KCNN2: variants seen among roughly 807,000 people sequenced by gnomAD.
KCNN2 encodes the protein small conductance calcium-activated potassium channel protein 2.
In KCNN2, 24 loss-of-function variants were observed where a neutral mutation model predicts 55.5. The ratio of observed to expected loss-of-function variants is 0.43; its 90% confidence interval spans 0.31 to 0.61. The LOEUF (loss-of-function observed/expected upper bound fraction) is 0.61. Ranked by LOEUF, KCNN2 falls within the 20% of genes least tolerant of loss-of-function variation. KCNN2 has a pLI of 0.08. For missense variants in KCNN2, 754 were observed against 853.6 expected (o/e 0.88, Z 1.45); for synonymous variants, 431 against 336.1 (o/e 1.28, Z -3.09).
At chr5:114,401,774 G>A (rs1339325266) in intron 2 of KCNN2, among the ~76,000 whole-genome samples, 2 of 152,176 alleles carry the variant, frequency 1.3e-5, no homozygotes, top group Non-Finnish European at 2.9e-5. Flanking sequence ...AGCATGATTA[G>A]GTTGGTGTGT....
chr5:114,312,450 T>C (rs1312771758), intron 2 of KCNN2, among the ~76,000 whole-genome samples: 19 of 73,768 alleles, frequency 2.6e-4, no homozygotes, highest in African/African-American at 6.1e-4. Context: ...TATATATATA[T>C]ATATATATAT....
chr5:114,227,510 T>C (rs1754260796), intron 2 of KCNN2, among the ~76,000 whole-genome samples: 1 of 152,222 alleles, frequency 6.6e-6, no homozygotes, highest in African/African-American at 2.4e-5. Flanking sequence ...ACAACTTGTT[T>C]TCTCAGTAGA....
chr5:114,126,753 C>T (rs550540062), intron 1 of KCNN2, among the ~76,000 whole-genome samples: 1 of 152,204 alleles, frequency 6.6e-6, no homozygotes, highest in Admixed American at 6.5e-5. Flanking sequence ...GTCCACAGTC[C>T]AAAGTCTCAT....
chr5:114,448,710 T>C (rs1346711161), intron 3 of KCNN2, among the ~76,000 whole-genome samples: 1 of 152,240 alleles, frequency 6.6e-6, no homozygotes, highest in Non-Finnish European at 1.5e-5. Context: ...CATTCAGGAA[T>C]GTTCTGCTTC....
At chr5:114,495,789 T>G in intron 7 of KCNN2, 106 bp from the exon 8 acceptor site, 2 of 1,061,126 alleles carry the variant, frequency 1.9e-6, no homozygotes, top group Non-Finnish European at 2.8e-6. Context: ...GACACCCCTG[T>G]TACACTGAAT....
chr5:114,118,804 C>A (rs1751771805), intron 1 of KCNN2, among the ~76,000 whole-genome samples: 1 of 152,128 alleles, frequency 6.6e-6, no homozygotes, highest in African/African-American at 2.4e-5. Context: ...AAAACCAAAA[C>A]CACATTCTGC....
At chr5:114,425,569 A>G (rs1759596062) in intron 3 of KCNN2, among the ~76,000 whole-genome samples, 2 of 152,142 alleles carry the variant, frequency 1.3e-5, no homozygotes, top group African/African-American at 2.4e-5. Context: ...GTTAAATCAA[A>G]TGCTCCACCT....
intron 2 of KCNN2, among the ~76,000 whole-genome samples, chr5:114,286,516 G>A (rs1029388006): frequency 3.3e-5 from 5 of 152,262 alleles, no homozygotes; most frequent in Middle Eastern, 3.4e-3. Flanking sequence ...GAAAATCTGA[G>A]GAAAACTAAT....
At chr5:114,128,548 T>G (rs921092207) in intron 1 of KCNN2, among the ~76,000 whole-genome samples, 1 of 152,204 alleles carries the variant, frequency 6.6e-6, no homozygotes, top group Non-Finnish European at 1.5e-5. Context: ...ACCATTTCAG[T>G]CACATTCTTA....
At position 114,238,237 on chromosome 5, in the gene KCNN2, C is replaced by T. The variant is rs528872031; in HGVS notation, c.-185+16672C>T. Among the ~76,000 whole-genome samples the T allele has an allele frequency of 2.6e-5, 4 of 152,262 alleles. No homozygotes were observed. The South Asian group carries it at 8.3e-4, about 32-fold the overall frequency. ...GTAGGTTACTCTTTTCAAAAGATTT[C>T]CATTGTGGTCTTTTTGTTTATTTTC... On this transcript the variant is annotated intron_variant, in intron 2 of 10. Transcript: ENST00000512097.
At chr5:114,405,598 G>A (rs1034784586) in intron 3 of KCNN2, among the ~76,000 whole-genome samples, 1 of 152,096 alleles carries the variant, frequency 6.6e-6, no homozygotes, top group Non-Finnish European at 1.5e-5. Context: ...ACATGACCTT[G>A]GTTAAGAAAA....
At chr5:114,097,282 T>A (rs2632116) in intron 1 of KCNN2, among the ~76,000 whole-genome samples, 21,044 of 152,184 alleles carry the variant, frequency 0.14, 1,542 homozygotes, top group Middle Eastern at 0.17. Context: ...CAGGGTCCAG[T>A]CAATTTCATT....
chr5:114,444,982 T>G (rs1196224218), intron 3 of KCNN2, among the ~76,000 whole-genome samples: 1 of 152,150 alleles, frequency 6.6e-6, no homozygotes, highest in Admixed American at 6.5e-5. Flanking sequence ...AACCAGCAGG[T>G]TGTTTATTTA....
At chr5:114,476,471 G>C (rs1761972069) in intron 5 of KCNN2, among the ~76,000 whole-genome samples, 1 of 138,218 alleles carries the variant, frequency 7.2e-6, no homozygotes, top group South Asian at 2.3e-4. Context: ...TTTTGCTCTT[G>C]TTGCCCAGGC....
At chr5:114,060,661 G>T (rs1184520870) in intron 1 of KCNN2, among the ~76,000 whole-genome samples, 3 of 152,202 alleles carry the variant, frequency 2.0e-5, no homozygotes, top group South Asian at 2.1e-4. Context: ...ACCATATGTG[G>T]CTTGGTTAGG....
intron 3 of KCNN2, among the ~76,000 whole-genome samples, chr5:114,415,089 C>T (rs1759265463): frequency 6.6e-6 from 1 of 152,216 alleles, no homozygotes; most frequent in South Asian, 2.1e-4. Context: ...TAGTCTTTTA[C>T]ATCCAGTCTT....
At chr5:114,475,988 T>TTTTATATAATACTTA (rs1761946730) in intron 5 of KCNN2, among the ~76,000 whole-genome samples, 1 of 152,198 alleles carries the variant, frequency 6.6e-6, no homozygotes, top group Non-Finnish European at 1.5e-5. Flanking sequence ...AAATTTTACA[T>TTTTATATAATACTTA]TTTATATAAT....
chr5:114,403,689 A>G (rs903374520), intron 2 of KCNN2, among the ~76,000 whole-genome samples: 8 of 152,120 alleles, frequency 5.3e-5, no homozygotes, highest in Admixed American at 1.3e-4. Flanking sequence ...CTTTATCTAT[A>G]TATCTATTTA....
intron 1 of KCNN2, among the ~76,000 whole-genome samples, chr5:114,136,502 T>C (rs1169059746): frequency 2.6e-5 from 4 of 152,134 alleles, no homozygotes; most frequent in African/African-American, 9.7e-5. Context: ...ATGAAGTAAA[T>C]ACCAAAAGAA....
Sources: gnomAD v4.1 joint callset for allele counts (sites outside exome capture counted in the v4.1 genomes callset) on GRCh38, gnomAD v4.1.1 for gene constraint, MANE v1.5 for transcripts, NCBI Gene and HGNC (gene_info 2026-07-23, HGNC 2026-07-21) for gene names.